TRIM16: variants seen among roughly 807,000 people sequenced by gnomAD.
TRIM16 encodes tripartite motif containing 16, also known as tripartite motif-containing protein 16.
Under a neutral mutation model 50.4 loss-of-function variants are expected in TRIM16, and 33 were observed. The observed-to-expected ratio is 0.65, with a 90% CI of 0.50 to 0.88. The LOEUF (loss-of-function observed/expected upper bound fraction) is 0.88. Ranked by LOEUF, TRIM16 falls within the 40% of genes least tolerant of loss-of-function variation. The pLI, the probability that TRIM16 is intolerant of heterozygous loss-of-function variation, is 0.00. For synonymous variants in TRIM16, 229 were observed against 270.7 expected (o/e 0.85, Z 1.51); for missense variants, 581 against 686.8 (o/e 0.85, Z 1.72).
chr17:15,672,194 T>C (rs1567689262), intron 6 of TRIM16, among the ~76,000 whole-genome samples: 1 of 151,748 alleles, frequency 6.6e-6, no homozygotes, highest in Non-Finnish European at 1.5e-5. Context: ...TTTTAACATA[T>C]AAGTTAGAAA....
intron 7 of TRIM16, chr17:15,643,032 A>C: frequency 1.3e-6 from 1 of 764,056 alleles, no homozygotes; most frequent in Non-Finnish European, 1.7e-6. Context: ...AAATACAGTG[A>C]GCACGGATGC....
At position 15,651,309 on chromosome 17, in the gene TRIM16, A is replaced by T; in HGVS notation, c.301T>A (p.Cys101Ser). 6.2e-7 allele frequency: 1 copy of T among 1,614,238 alleles called. No individual in the cohort carries two copies. Among genetic ancestry groups the T allele is most frequent in the Non-Finnish European group, 8.5e-7 (1 of 1,180,036 alleles). ...KSCLTCMVNY[C>S]EEHLQPHQVN... ...TGATGCGGCTGCAAGTGCTCTTCAC[A>T]GTAATTCACCATGCAGGTTAGACAG... Residue 101 changes from cysteine (C) to serine (S), a missense_variant, in exon 7 of 12, where the codon TGT becomes AGT. Physicochemically the swap from Cys to Ser is moderately radical, Grantham distance 112 (BLOSUM62 -1). Transcript: ENST00000649191.
At chr17:15,671,544 G>A (rs940140257) in intron 6 of TRIM16, among the ~76,000 whole-genome samples, 9 of 151,228 alleles carry the variant, frequency 6.0e-5, no homozygotes, top group African/African-American at 1.2e-4. Context: ...TCAAATATAC[G>A]ATATATATCT....
At chr17:15,641,199 A>T (rs1204382718) in intron 8 of TRIM16, among the ~76,000 whole-genome samples, 1 of 148,156 alleles carries the variant, frequency 6.7e-6, no homozygotes, top group Non-Finnish European at 1.5e-5. Flanking sequence ...ATGTAAATGT[A>T]ATGTGCAAAG....
chr17:15,654,177 G>A (rs1458681664), intron 6 of TRIM16: 3 of 152,170 alleles, frequency 2.0e-5, no homozygotes, highest in Admixed American at 1.3e-4. Context: ...TCAGAAATCC[G>A]AGAGACCTAG....
At chr17:15,678,429 C>T (rs1015592870) in intron 4 of TRIM16, among the ~76,000 whole-genome samples, 1 of 152,142 alleles carries the variant, frequency 6.6e-6, no homozygotes, top group African/African-American at 2.4e-5. Context: ...GTAGTTAGAC[C>T]TGGCCATGAG....
chr17:15,672,194 T>G (rs1567689262), intron 6 of TRIM16, among the ~76,000 whole-genome samples: 1 of 151,748 alleles, frequency 6.6e-6, no homozygotes, highest in Non-Finnish European at 1.5e-5. Context: ...TTTTAACATA[T>G]AAGTTAGAAA....
chr17:15,655,512 T>C (rs1987931384), intron 6 of TRIM16, among the ~76,000 whole-genome samples: 3 of 151,842 alleles, frequency 2.0e-5, no homozygotes, highest in Admixed American at 6.6e-5. Flanking sequence ...CATTCCACAG[T>C]GGTGTGGAAA....
At position 15,675,829 on chromosome 17, in the gene TRIM16, TA is replaced by T. The variant is rs372097759; in HGVS notation, c.-338+1346del. Among the ~76,000 whole-genome samples the T allele has an allele frequency of 3.4e-4, 50 of 147,604 alleles. 1 individual carries two copies. The East Asian group carries it at 9.4e-3, about 28-fold the overall frequency. ...TACATATATATTTGCATATATAATA[TA>T]AAAATATATATATTATATACTATAC... is the stretch of plus-strand genomic sequence containing the variant. On this transcript the variant is annotated intron_variant, in intron 6 of 11. Transcript: ENST00000649191.
In TRIM16 at chr17:15,651,310, G is replaced by A. The variant is rs755513301; in HGVS notation, c.300C>T (p.Tyr100=). The part of the protein sequence containing the change: ...VKSCLTCMVN[Y]CEEHLQPHQV... ...GATGCGGCTGCAAGTGCTCTTCACA[G>A]TAATTCACCATGCAGGTTAGACAGG... The change falls in exon 7 of 12, where the codon TAC becomes TAT. Residue 100 remains tyrosine, a synonymous_variant. Coordinates refer to ENST00000649191, the MANE Select transcript of TRIM16 (RefSeq NM_001348119.1). The A allele has an allele frequency of 3.1e-6, 5 of 1,614,132 alleles. No homozygotes were observed. Among genetic ancestry groups the A allele is most frequent in the Non-Finnish European group, 4.2e-6 (5 of 1,180,060 alleles).
chr17:15,671,545 A>G (rs182553511), intron 6 of TRIM16, among the ~76,000 whole-genome samples: 104 of 151,706 alleles, frequency 6.9e-4, no homozygotes, highest in African/African-American at 2.4e-3. Flanking sequence ...CAAATATACG[A>G]TATATATCTA....
chr17:15,652,053 G>A (rs1317911528), intron 6 of TRIM16, 107 bp from the exon 7 acceptor site: 4 of 908,308 alleles, frequency 4.4e-6, no homozygotes, highest in Non-Finnish European at 4.0e-6. Context: ...GAAGTAAAAT[G>A]TAAGGACTTC....
At position 15,648,449 on chromosome 17, in the gene TRIM16, G is replaced by T. The variant is rs542251280; in HGVS notation, c.519+2642C>A. Among the ~76,000 whole-genome samples, 5 of 152,232 alleles carry T rather than the reference G, an allele frequency of 3.3e-5. No individual in the cohort carries two copies. The East Asian group carries it at 9.6e-4, about 29-fold the overall frequency. On this transcript the variant is annotated intron_variant, in intron 7 of 11. Transcript: ENST00000649191. The stretch of plus-strand genomic sequence containing the variant: ...TAGAAACCATAGGAGCTTCAAAAAG[G>T]GTTCACTTGGTTAACTGAGAAATTA...
Position 15,677,270 on chromosome 17 carries a change from T to C in TRIM16, c.-432A>G, listed in dbSNP as rs1988990637. 4.1e-6 allele frequency: 4 copies of C among 985,382 alleles called. No homozygotes were observed. Among genetic ancestry groups the C allele is most frequent in the Non-Finnish European group, 2.4e-6 (2 of 829,918 alleles). 61.0% of individuals were successfully genotyped at this position (985,382 alleles called of 1,614,324 possible). ...AGGAGATGATACCAGGTTTGGAAAA[T>C]GGAAATCCTACTGAAGAGATACAAA... On this transcript the variant is annotated 5_prime_UTR_variant, in exon 6 of 12. Coordinates refer to ENST00000649191, the MANE Select transcript of TRIM16 (RefSeq NM_001348119.1).
At chr17:15,665,007 G>T (rs1472317277) in intron 6 of TRIM16, among the ~76,000 whole-genome samples, 1 of 139,788 alleles carries the variant, frequency 7.2e-6, no homozygotes, top group Non-Finnish European at 1.5e-5. Context: ...ACTCCAGCCT[G>T]GGCAACAGAG....
In TRIM16 at chr17:15,640,050, T is replaced by A. The variant is rs560093105; in HGVS notation, c.615+2671A>T. 6.0e-5 allele frequency among the ~76,000 whole-genome samples: 9 copies of A among 149,492 alleles called. 2 individuals carry two copies. The highest frequency in any genetic ancestry group is 3.5e-3 in the Middle Eastern group (1 of 286). On this transcript the variant is annotated intron_variant, in intron 8 of 11. Transcript: ENST00000649191. ...AAGGTAGGTACTATTAGGGTCTCCA[T>A]TTCTTAGATAAGGAAACTAAGACAG... is the stretch of plus-strand genomic sequence containing the variant.
chr17:15,653,365 T>C (rs1450923475), intron 6 of TRIM16, among the ~76,000 whole-genome samples: 2 of 152,208 alleles, frequency 1.3e-5, no homozygotes, highest in South Asian at 2.1e-4. Context: ...GGTATTCCTT[T>C]ACAGCAACAC....
intron 6 of TRIM16, among the ~76,000 whole-genome samples, chr17:15,667,896 T>C (rs1988566132): frequency 6.6e-6 from 1 of 152,166 alleles, no homozygotes; most frequent in South Asian, 2.1e-4. Flanking sequence ...CTTTTTTTTT[T>C]TTCTAGTGTC....
At position 15,673,928 on chromosome 17, in the gene TRIM16, T is replaced by C. The variant is rs552801144; in HGVS notation, c.-338+3248A>G. 2.0e-5 allele frequency among the ~76,000 whole-genome samples: 3 copies of C among 152,300 alleles called. No homozygotes were observed. The East Asian group carries it at 5.8e-4, about 29-fold the overall frequency. On this transcript the variant is annotated intron_variant, in intron 6 of 11. Transcript: ENST00000649191. ...TAACTCTTCTGTTGGGATTGCATAA[T>C]AGTTACTATGTAAGGCTGACAGTTT...
Sources: gnomAD v4.1 joint callset for allele counts (sites outside exome capture counted in the v4.1 genomes callset) on GRCh38, gnomAD v4.1.1 for gene constraint, MANE v1.5 for transcripts, NCBI Gene and HGNC (gene_info 2026-07-23, HGNC 2026-07-21) for gene names.